The following RAB3GAP2 variants were observed in gnomAD, a reference collection of about 807,000 sequenced individuals.
RAB3GAP2 encodes rab3 GTPase-activating protein non-catalytic subunit.
In RAB3GAP2, 87 loss-of-function variants were observed where a neutral mutation model predicts 185.3. That is an observed-to-expected ratio of 0.47 (90% confidence interval 0.39 to 0.56). The LOEUF (loss-of-function observed/expected upper bound fraction) is 0.56. Ranked by LOEUF, RAB3GAP2 falls within the 20% of genes least tolerant of loss-of-function variation. RAB3GAP2 has a pLI of 0.00. For synonymous variants in RAB3GAP2, 554 were observed against 576.1 expected, an observed-to-expected ratio of 0.96 and a Z score of 0.55; for missense variants, 1,492 against 1,638.2, an observed-to-expected ratio of 0.91 and a Z score of 1.54.
chr1:220,214,443 T>A (rs1376250843), intron 2 of RAB3GAP2, among the ~76,000 whole-genome samples: 1 of 151,844 alleles, frequency 6.6e-6, no homozygotes, highest in Non-Finnish European at 1.5e-5. Context: ...GGAGAATCAC[T>A]TGAACCCAGG....
At position 220,170,972 on chromosome 1, in the gene RAB3GAP2, G is replaced by T. The variant is rs745690520; in HGVS notation, c.2726C>A (p.Thr909Asn). The T allele has an allele frequency of 7.4e-6, 12 of 1,614,080 alleles. No individual in the cohort carries two copies. In the East Asian group the frequency reaches 2.7e-4, roughly 36 times the overall value. Residue 909 changes from threonine to asparagine, a missense_variant, in exon 24 of 35, where the codon ACT becomes AAT. By Grantham distance (65) the Thr-to-Asn change is moderately conservative. Coordinates refer to ENST00000358951, the MANE Select transcript of RAB3GAP2 (RefSeq NM_012414.4). ...LQTLLHSKGN[T>N]QTSKVSSLQA... ...CAGTGATGACACTTTGGAGGTCTGAGTGTTCCCTTTGCTGTGAAGCAGAGT... is the reference window on the plus strand; with the variant it reads ...CAGTGATGACACTTTGGAGGTCTGATTGTTCCCTTTGCTGTGAAGCAGAGT...
At chr1:220,201,089 A>T (rs1248482855) in intron 9 of RAB3GAP2, among the ~76,000 whole-genome samples, 1 of 152,156 alleles carries the variant, frequency 6.6e-6, no homozygotes, top group African/African-American at 2.4e-5. Context: ...TCCTAGACTC[A>T]CACTTTCAGA....
At chr1:220,162,372 G>A in intron 27 of RAB3GAP2, 104 bp from the exon 28 acceptor site, 1 of 756,742 alleles carries the variant, frequency 1.3e-6, no homozygotes, top group East Asian at 2.7e-5. Context: ...AGACTATTTT[G>A]ATTTCATTTT....
In RAB3GAP2 at chr1:220,232,844, T is replaced by C. The variant is rs1335389153; in HGVS notation, c.135A>G (p.Glu45=). ...RRDPSKSTDW[E]DDGWGAWEEN... Reference sequence around the variant, plus strand: ...CTTCCCATGCTCCCCAACCATCATCTTCCCAGTCTGTTGATTTACCTGTTT... The same window carrying C: ...CTTCCCATGCTCCCCAACCATCATCCTCCCAGTCTGTTGATTTACCTGTTT... The change falls in exon 2 of 35, where the codon GAA becomes GAG. Residue 45 remains glutamate (E), a synonymous_variant. Coordinates refer to ENST00000358951, the MANE Select transcript of RAB3GAP2 (RefSeq NM_012414.4). The C allele has an allele frequency of 1.9e-6, 3 of 1,613,914 alleles. No individual in the cohort carries two copies. The highest frequency in any genetic ancestry group is 1.7e-5 in the Admixed American group (1 of 60,020).
At chr1:220,230,484 A>G (rs1432187476) in intron 2 of RAB3GAP2, among the ~76,000 whole-genome samples, 3 of 152,200 alleles carry the variant, frequency 2.0e-5, no homozygotes, top group Non-Finnish European at 4.4e-5. Flanking sequence ...ATTTTATCCT[A>G]TTCAACACAT....
intron 13 of RAB3GAP2, among the ~76,000 whole-genome samples, chr1:220,191,634 C>T (rs2102869992): frequency 6.6e-6 from 1 of 152,016 alleles, no homozygotes; most frequent in East Asian, 1.9e-4. Context: ...GCCTGACCAA[C>T]GTGGTAAGAC....
intron 1 of RAB3GAP2, among the ~76,000 whole-genome samples, chr1:220,243,368 A>C (rs1179805100): frequency 6.6e-6 from 1 of 152,028 alleles, no homozygotes; most frequent in East Asian, 1.9e-4. Context: ...AAAAAAAAAA[A>C]AACATAATAA....
At chr1:220,196,527 A>G in intron 9 of RAB3GAP2, 129 bp from the exon 10 acceptor site, 1 of 961,842 alleles carries the variant, frequency 1.0e-6, no homozygotes, top group East Asian at 2.6e-5. Context: ...TAAAAGCTAC[A>G]AAGTCAACAT....
Position 220,154,134 on chromosome 1 carries a change from T to A in RAB3GAP2, c.3556-77A>T, listed in dbSNP as rs112696724. The A allele has an allele frequency of 9.6e-6, 15 of 1,568,436 alleles. No individual in the cohort carries two copies. The African/African-American group carries it at 1.2e-4, about 13-fold the overall frequency. ...AGAGGGAGAAAGATTTGTTTAAAAC[T>A]TAATAATAACTTATGGTTGATTTTT... On this transcript the variant is annotated intron_variant, in intron 31 of 34. Transcript: ENST00000358951.
chr1:220,151,911 C>A, intron 33 of RAB3GAP2, 147 bp from the exon 34 acceptor site: 1 of 908,890 alleles, frequency 1.1e-6, no homozygotes, highest in Non-Finnish European at 1.6e-6. Flanking sequence ...AAGATAAATC[C>A]AAATCAAACT....
intron 2 of RAB3GAP2, among the ~76,000 whole-genome samples, chr1:220,230,822 C>A (rs1038002117): frequency 1.3e-5 from 2 of 152,150 alleles, no homozygotes; most frequent in African/African-American, 2.4e-5. Context: ...TTATCTATTT[C>A]ACACCACACC....
At chr1:220,233,505 T>A (rs1169832869) in intron 1 of RAB3GAP2, among the ~76,000 whole-genome samples, 4 of 152,138 alleles carry the variant, frequency 2.6e-5, no homozygotes, top group African/African-American at 4.8e-5. Flanking sequence ...GGTGACTGGT[T>A]TTTACATAGT....
intron 1 of RAB3GAP2, chr1:220,266,721 T>G: frequency 6.3e-7 from 1 of 1,580,320 alleles, no homozygotes; most frequent in South Asian, 1.1e-5. Flanking sequence ...TACTTGCTAG[T>G]TGATTCTTTG....
rs144121202 is a variant in RAB3GAP2, at chr1:220,152,336, C to A, written c.3868-572G>T. 3.5e-3 allele frequency among the ~76,000 whole-genome samples: 534 copies of A among 152,330 alleles called. 2 individuals carry two copies. The highest frequency in any genetic ancestry group is 0.012 in the African/African-American group (506 of 41,578). On this transcript the variant is annotated intron_variant, in intron 33 of 34. Transcript: ENST00000358951. ...AAGTGATCCACCCACCTTGGCCTCC[C>A]AAAGTGCTAGGATTACAGGCGTGAG...
chr1:220,196,088 G>T (rs1317956950), intron 10 of RAB3GAP2, 162 bp downstream of exon 10: 4 of 782,468 alleles, frequency 5.1e-6, no homozygotes, highest in Admixed American at 5.4e-5. Flanking sequence ...TTAATCTAAA[G>T]AATTTAGAAG....
At chr1:220,152,080 T>C (rs930053376) in intron 33 of RAB3GAP2, among the ~76,000 whole-genome samples, 1 of 152,100 alleles carries the variant, frequency 6.6e-6, no homozygotes, top group African/African-American at 2.4e-5. Flanking sequence ...AATGGCTTTT[T>C]TTTGTTGTTT....
At chr1:220,248,672 C>T (rs1006454021) in intron 1 of RAB3GAP2, among the ~76,000 whole-genome samples, 1 of 151,450 alleles carries the variant, frequency 6.6e-6, no homozygotes, top group Non-Finnish European at 1.5e-5. Flanking sequence ...TAAGAATAAC[C>T]CTAAGACTTT....
intron 17 of RAB3GAP2, among the ~76,000 whole-genome samples, chr1:220,188,322 G>A (rs2102868160): frequency 6.6e-6 from 1 of 152,272 alleles, no homozygotes; most frequent in East Asian, 1.9e-4. Flanking sequence ...TAACATACAT[G>A]AAATAATTAG....
chr1:220,262,118 T>C (rs1283227947), intron 1 of RAB3GAP2, among the ~76,000 whole-genome samples: 1 of 129,944 alleles, frequency 7.7e-6, no homozygotes. Flanking sequence ...TGAAACCCCA[T>C]CTCTACTAAA....
Sources: allele counts gnomAD v4.1 joint callset (sites outside exome capture counted in the v4.1 genomes callset), GRCh38; gene constraint gnomAD v4.1.1; transcripts MANE v1.5; gene names NCBI Gene and HGNC (gene_info 2026-07-23, HGNC 2026-07-21).